CPT1B: variants seen among roughly 807,000 people sequenced by gnomAD.
CPT1B encodes the protein carnitine palmitoyltransferase 1B.
Under a neutral mutation model 92.7 loss-of-function variants are expected in CPT1B, and 57 were observed. The observed-to-expected ratio is 0.62, with a 90% CI of 0.50 to 0.77. The LOEUF is 0.77. Among genes scored for constraint, CPT1B ranks in the 30% least tolerant of loss-of-function variants. The pLI, the probability that CPT1B is intolerant of heterozygous loss-of-function variation, is 0.00. For synonymous variants in CPT1B, 398 were observed against 383.5 expected (o/e 1.04, Z -0.44); for missense variants, 983 against 1,017.4 (o/e 0.97, Z 0.46).
At chr22:50,571,946 G>A (rs529792231) in intron 13 of CPT1B, 60 bp downstream of exon 13, 175 of 1,491,184 alleles carry the variant, frequency 1.2e-4, no homozygotes, top group Middle Eastern at 2.3e-4. Flanking sequence ...AGGCCTCGTC[G>A]GGGCTGTACC....
In CPT1B at chr22:50,569,643, G is replaced by T; in HGVS notation, c.2168C>A (p.Ser723Tyr). Residue 723 changes from serine (S) to tyrosine (Y), a missense_variant, in exon 18 of 20, where the codon TCC becomes TAC. Physicochemically the swap from Ser to Tyr is moderately radical, Grantham distance 144 (BLOSUM62 -2). Transcript: ENST00000312108. ...GPVADDGYGV[S>Y]YMIAGENTIF... ...CGTGTTCTCGCCTGCAATCATGTAG[G>T]AAACTCCATAGCCATCATCTGCTAC... The T allele has an allele frequency of 6.2e-7, 1 of 1,614,046 alleles. No homozygotes were observed. Among genetic ancestry groups the T allele is most frequent in the Non-Finnish European group, 8.5e-7 (1 of 1,180,014 alleles).
chr22:50,576,599 G>A lies in CPT1B; in HGVS notation c.498C>T (p.Leu166=). ...IRLLSSRHPM[L]YSFQTSLPKL... ...TGGGCAGAGATGTCTGGAAGCTGTA[G>A]AGCATAGGGTGCCGGCTGGATAGAA... is the stretch of plus-strand genomic sequence containing the variant. The change falls in exon 5 of 20, where the codon CTC becomes CTT. Residue 166 remains leucine (L), a synonymous_variant. Transcript: ENST00000312108. The A allele has an allele frequency of 1.2e-6, 2 of 1,610,186 alleles. No homozygotes were observed. The highest frequency in any genetic ancestry group is 8.5e-7 in the Non-Finnish European group (1 of 1,178,432).
Position 50,574,071 on chromosome 22 carries a change from G to A in CPT1B, c.970+264C>T, listed in dbSNP as rs57624450. The A allele has an allele frequency of 4.5e-5, 30 of 668,880 alleles. No individual in the cohort carries two copies. The African/African-American group carries it at 4.6e-4, about 10-fold the overall frequency. 41.4% of individuals were successfully genotyped at this position (668,880 alleles called of 1,614,324 possible). On this transcript the variant is annotated intron_variant, in intron 9 of 19. Coordinates refer to ENST00000312108, the MANE Select transcript of CPT1B (RefSeq NM_152246.3). ...CCTCTGCCGGCTCCATGGCAGCGCC[G>A]GGTCTGTCCTAAGCTTTGGGCTGCA...
In CPT1B at chr22:50,576,575, G is replaced by A. The variant is rs1373616911; in HGVS notation, c.522C>T (p.Pro174=). The change falls in exon 5 of 20, where the codon CCC becomes CCT. Residue 174 remains proline (P), a synonymous_variant. Coordinates refer to ENST00000312108, the MANE Select transcript of CPT1B (RefSeq NM_152246.3). The stretch of plus-strand genomic sequence containing the variant: ...CTGACACCCTGGGCACAGGAAGCTT[G>A]GGCAGAGATGTCTGGAAGCTGTAGA... The part of the protein sequence containing the change: ...PMLYSFQTSL[P]KLPVPRVSAT... The A allele has an allele frequency of 6.2e-7, 1 of 1,607,930 alleles. No homozygotes were observed. Among genetic ancestry groups the A allele is most frequent in the East Asian group, 2.2e-5 (1 of 44,758 alleles).
intron 2 of CPT1B, 149 bp from the exon 3 acceptor site, chr22:50,577,612 C>T: frequency 7.1e-7 from 1 of 1,408,422 alleles, no homozygotes; most frequent in South Asian, 1.3e-5. Flanking sequence ...ACCCACAGCT[C>T]CCTGTGTCCG....
rs773148243 is a variant in CPT1B, at chr22:50,572,278, G to A, written c.1383C>T (p.Ser461=). 9.9e-6 allele frequency: 16 copies of A among 1,613,760 alleles called. No individual in the cohort carries two copies. The highest frequency in any genetic ancestry group is 1.4e-5 in the Non-Finnish European group (16 of 1,179,890). The change falls in exon 12 of 20, where the codon TCC becomes TCT. Residue 461 remains serine (S), a synonymous_variant. Transcript: ENST00000312108. ...TGAGACCCAACTGGCCATTCTTGAA[G>A]GAAATGAGAGTGAAGGATTTGTCAA... is the stretch of plus-strand genomic sequence containing the variant. The part of the protein sequence containing the change: ...RWFDKSFTLI[S]FKNGQLGLNA...
intron 2 of CPT1B, 102 bp from the exon 3 acceptor site, chr22:50,577,565 C>T: frequency 1.3e-6 from 2 of 1,501,838 alleles, no homozygotes; most frequent in Non-Finnish European, 1.8e-6. Flanking sequence ...GGAAGGCTTT[C>T]TCTCCTGATG....
In CPT1B at chr22:50,573,833, G is replaced by T; in HGVS notation, c.971-118C>A. On this transcript the variant is annotated intron_variant, in intron 9 of 19. Transcript: ENST00000312108. The surrounding 1 kb of genome is among the most constrained non-coding windows in gnomAD (Gnocchi z 5.0). ...CCTGTTTTGCTCGGCCTCTGCCTGG[G>T]CCTTCCTGCCCCCTGGATGGGATCC... 1.1e-6 allele frequency: 1 copy of T among 896,636 alleles called. No homozygotes were observed. Among genetic ancestry groups the T allele is most frequent in the Non-Finnish European group, 1.8e-6 (1 of 550,060 alleles). The allele number at this position is 896,636 out of a possible 1,614,324, so 55.5% of individuals were successfully genotyped here. A position where few individuals can be genotyped will look rare whatever the true frequency, so the allele number is the denominator to read the frequency against.
At chr22:50,574,248 GA>G (rs1463634886) in intron 9 of CPT1B, 86 bp downstream of exon 9, 1 of 1,022,794 alleles carries the variant, frequency 9.8e-7, no homozygotes, top group African/African-American at 1.6e-5. Flanking sequence ...AGGACCCTGA[GA>G]CACTGGGGAC....
intron 4 of CPT1B, 38 bp downstream of exon 4, chr22:50,576,819 A>G (rs776284456): frequency 1.2e-6 from 2 of 1,612,320 alleles, no homozygotes; most frequent in African/African-American, 2.7e-5. Context: ...AAGAGTCTCA[A>G]CCCAGGTGCC....
chr22:50,572,677 G>T (rs1424529273), intron 11 of CPT1B, among the ~76,000 whole-genome samples, 198 bp downstream of exon 11: 3 of 151,670 alleles, frequency 2.0e-5, no homozygotes, highest in African/African-American at 4.8e-5. Flanking sequence ...TTATGAAGGG[G>T]TCTCGCTCCG....
chr22:50,575,839 T>A (rs1422407131), intron 7 of CPT1B, among the ~76,000 whole-genome samples, 196 bp downstream of exon 7: 1 of 152,114 alleles, frequency 6.6e-6, no homozygotes, highest in Non-Finnish European at 1.5e-5. Flanking sequence ...ATCCTTAGGA[T>A]CCCCATTGCC....
In CPT1B at chr22:50,576,564, A is replaced by C. The variant is rs1368611139; in HGVS notation, c.533T>G (p.Val178Gly). The stretch of plus-strand genomic sequence containing the variant: ...CTGAATTGTGGCTGACACCCTGGGC[A>C]CAGGAAGCTTGGGCAGAGATGTCTG... Reference protein sequence around the residue: ...SFQTSLPKLPVPRVSATIQRY... With the variant: ...SFQTSLPKLPGPRVSATIQRY... The change falls in exon 5 of 20, where the codon GTG becomes GGG. Residue 178 changes from valine (V) to glycine (G), a missense_variant. Physicochemically the swap from Val to Gly is moderately radical, Grantham distance 109. Transcript: ENST00000312108. 3 of 1,606,932 alleles carry C rather than the reference A, an allele frequency of 1.9e-6. No individual in the cohort carries two copies. The highest frequency in any genetic ancestry group is 2.5e-6 in the Non-Finnish European group (3 of 1,176,728).
intron 2 of CPT1B, 31 bp downstream of exon 2, chr22:50,577,744 C>T (rs1456293367): frequency 1.9e-6 from 3 of 1,605,174 alleles, no homozygotes; most frequent in Non-Finnish European, 2.6e-6. Context: ...CCGGCCTCTG[C>T]CTACGCTCTG....
Position 50,573,231 on chromosome 22 carries a change from G to A in CPT1B, c.1167-171C>T. Reference sequence around the variant, plus strand: ...GTGCCAGGCTGGGCCTGGAGGTGTTGGGGTGCGTGCCAGGCTGCGCCTGGA... The same window carrying A: ...GTGCCAGGCTGGGCCTGGAGGTGTTAGGGTGCGTGCCAGGCTGCGCCTGGA... On this transcript the variant is annotated intron_variant, in intron 10 of 19. Transcript: ENST00000312108. The surrounding 1 kb of genome is among the most constrained non-coding windows in gnomAD (Gnocchi z 5.0). The A allele has an allele frequency of 6.3e-6, 4 of 635,740 alleles. No homozygotes were observed. Among genetic ancestry groups the A allele is most frequent in the Non-Finnish European group, 5.3e-6 (2 of 374,962 alleles). 39.4% of individuals were successfully genotyped at this position (635,740 alleles called of 1,614,324 possible).
chr22:50,573,512 G>A lies in CPT1B; in HGVS notation c.1166+8C>T, dbSNP rs760924967. ...GGGTGGGGACAGTCCCTTCCTAGAG[G>A]CCAATACCTTCCTCCTGCAGTGAGG... On this transcript the variant is annotated splice_region_variant and intron_variant, in intron 10 of 19. Coordinates refer to ENST00000312108, the MANE Select transcript of CPT1B (RefSeq NM_152246.3). The surrounding 1 kb of genome is among the most constrained non-coding windows in gnomAD (Gnocchi z 5.0). 2 of 1,602,966 alleles carry A rather than the reference G, an allele frequency of 1.2e-6. No homozygotes were observed. Among genetic ancestry groups the A allele is most frequent in the Admixed American group, 1.7e-5 (1 of 59,384 alleles).
At position 50,569,674 on chromosome 22, in the gene CPT1B, G is replaced by T; in HGVS notation, c.2143-6C>A. ...CCATAGCCATCATCTGCTACCTGAG[G>T]GCAACAAGAAGGGTGAAGAAGGCAT... On this transcript the variant is annotated splice_region_variant and splice_polypyrimidine_tract_variant and intron_variant, in intron 17 of 19. Coordinates refer to ENST00000312108, the MANE Select transcript of CPT1B (RefSeq NM_152246.3). The T allele has an allele frequency of 6.2e-7, 1 of 1,611,742 alleles. No individual in the cohort carries two copies. The highest frequency in any genetic ancestry group is 1.1e-5 in the South Asian group (1 of 91,030).
chr22:50,569,050 G>A lies in CPT1B; in HGVS notation c.*34C>T, dbSNP rs765684455. ...GAGCTGGGGGAGGGGGAGGGCCTCCGAGTTCCCAAACAAAACACAGGTACC... is the reference window on the plus strand; with the variant it reads ...GAGCTGGGGGAGGGGGAGGGCCTCCAAGTTCCCAAACAAAACACAGGTACC... On this transcript the variant is annotated 3_prime_UTR_variant, in exon 20 of 20. Transcript: ENST00000312108. 2.2e-5 allele frequency: 7 copies of A among 316,070 alleles called. No homozygotes were observed. Among genetic ancestry groups the A allele is most frequent in the South Asian group, 8.2e-5 (2 of 24,280 alleles). The allele number at this position is 316,070 out of a possible 1,614,324, so 19.6% of individuals were successfully genotyped here. A position where few individuals can be genotyped will look rare whatever the true frequency, so the allele number is the denominator to read the frequency against.
rs1423499725 is a variant in CPT1B at position 50,572,240 on chromosome 22, G to C, written c.1421C>G (p.Ala474Gly). The C allele has an allele frequency of 1.2e-6, 2 of 1,613,690 alleles. No homozygotes were observed. Among genetic ancestry groups the C allele is most frequent in the Non-Finnish European group, 1.7e-6 (2 of 1,179,708 alleles). Residue 474 changes from alanine (A) to glycine (G), a missense_variant, in exon 12 of 20, where the codon GCG (alanine) becomes GGG (glycine). Ala to Gly is a moderately conservative substitution (Grantham distance 60). Coordinates refer to ENST00000312108, the MANE Select transcript of CPT1B (RefSeq NM_152246.3). ...CCCAATGATGGGAGCATCTGCCCAC[G>C]CATGCTCTGCATTGAGACCCAACTG... ...NGQLGLNAEH[A>G]WADAPIIGHL...
Sources: gnomAD v4.1 joint callset for allele counts (sites outside exome capture counted in the v4.1 genomes callset) on GRCh38, gnomAD v4.1.1 for gene constraint, Gnocchi (gnomAD v3.1) non-coding constraint, MANE v1.5 for transcripts, NCBI Gene and HGNC (gene_info 2026-07-23, HGNC 2026-07-21) for gene names.